HBS1L: variants seen among roughly 807,000 people sequenced by gnomAD.
The protein encoded by HBS1L is HBS1-like protein.
HBS1L carries 55 observed loss-of-function variants against 88.9 expected under a neutral mutation model. That is an observed-to-expected ratio of 0.62 (90% CI 0.50 to 0.77). The LOEUF (loss-of-function observed/expected upper bound fraction) is 0.77, where lower values mean the gene tolerates loss of function less well. HBS1L is among the 30% of genes least tolerant of loss of function. The pLI is 0.00. For missense variants in HBS1L, 741 were observed against 829.3 expected (o/e 0.89, Z 1.31); for synonymous variants, 267 against 288.5 (o/e 0.93, Z 0.76).
chr6:134,997,088 G>GA (rs72155156), intron 6 of HBS1L, 146 bp from the exon 7 acceptor site: 6,620 of 597,844 alleles, frequency 0.011, 6 homozygotes, highest in South Asian at 0.024. Flanking sequence ...ACATCTAATA[G>GA]AAAAAAAAAA....
chr6:135,051,604 C>A (rs1777086275), intron 1 of HBS1L, among the ~76,000 whole-genome samples: 1 of 152,232 alleles, frequency 6.6e-6, no homozygotes, highest in Admixed American at 6.5e-5. Flanking sequence ...GTAAGCCCCT[C>A]TGCTACTGTT....
Position 134,979,275 on chromosome 6 carries a change from A to G in HBS1L, c.1598-7T>C. On this transcript the variant is annotated splice_polypyrimidine_tract_variant and splice_region_variant and intron_variant, in intron 13 of 17. Transcript: ENST00000367837. ...TCATCATGCAGAGTGATTCCTGGAA[A>G]TGAGTAAGAACCAAAGCATACAGTG... 1 of 1,607,094 alleles carries G rather than the reference A, an allele frequency of 6.2e-7. No homozygotes were observed. The highest frequency in any genetic ancestry group is 8.5e-7 in the Non-Finnish European group (1 of 1,174,318).
chr6:135,038,928 A>C (rs1776642816), intron 4 of HBS1L, among the ~76,000 whole-genome samples: 1 of 152,204 alleles, frequency 6.6e-6, no homozygotes, highest in South Asian at 2.1e-4. Flanking sequence ...AGAGTTTAAA[A>C]AAATAACAAT....
rs770629500 is a variant in HBS1L at position 135,040,076 on chromosome 6, G to A, written c.236-309C>T. Among the ~76,000 whole-genome samples the A allele has an allele frequency of 2.7e-4, 41 of 152,254 alleles. No homozygotes were observed. The South Asian group carries it at 3.9e-3, about 15-fold the overall frequency. Reference sequence around the variant, plus strand: ...TCTATTTTCAGTCACCAGTGATGATGGTATCTGCAATGATCATTTTTTGCA... The same window carrying A: ...TCTATTTTCAGTCACCAGTGATGATAGTATCTGCAATGATCATTTTTTGCA... On this transcript the variant is annotated intron_variant, in intron 3 of 17. Transcript: ENST00000367837.
chr6:135,002,913 T>C (rs45544135), intron 4 of HBS1L, 71 bp from the exon 5 acceptor site: 433,682 of 844,782 alleles, frequency 0.51, 112,290 homozygotes, highest in South Asian at 0.59. Flanking sequence ...TTACATAGTA[T>C]TTTAAATTAT....
At chr6:135,040,167 AAGT>A (rs775709675) in intron 3 of HBS1L, among the ~76,000 whole-genome samples, 2 of 152,148 alleles carry the variant, frequency 1.3e-5, no homozygotes, top group African/African-American at 2.4e-5. Context: ...GTTATTCACG[AAGT>A]ATATTTCTTA....
At chr6:134,971,420 G>A (rs560586989) in intron 15 of HBS1L, among the ~76,000 whole-genome samples, 2 of 152,168 alleles carry the variant, frequency 1.3e-5, no homozygotes, top group Non-Finnish European at 2.9e-5. Flanking sequence ...TGTGACTAAG[G>A]AACTGGAACC....
At chr6:135,042,826 C>CAAAAAAAAAAAAAAAAAAA (rs1415600534) in intron 2 of HBS1L, among the ~76,000 whole-genome samples, 2 of 40,034 alleles carry the variant, frequency 5.0e-5, no homozygotes, top group African/African-American at 6.9e-5. Context: ...AAAAAAAAAA[C>CAAAAAAAAAAAAAAAAAAA]AAAAAAAAAA....
chr6:135,045,166 G>A (rs962197268), intron 2 of HBS1L, among the ~76,000 whole-genome samples: 2 of 151,848 alleles, frequency 1.3e-5, no homozygotes, highest in African/African-American at 4.8e-5. Flanking sequence ...GGTGAGGTGG[G>A]GAGCGGTCCA....
intron 4 of HBS1L, among the ~76,000 whole-genome samples, chr6:135,020,381 T>A (rs1439465807): frequency 4.0e-5 from 6 of 151,888 alleles, no homozygotes; most frequent in Admixed American, 3.9e-4. Context: ...ACTTGTAAGG[T>A]AGACATTATT....
intron 15 of HBS1L, among the ~76,000 whole-genome samples, chr6:134,973,437 T>C (rs1436246154): frequency 6.6e-6 from 1 of 152,206 alleles, no homozygotes; most frequent in East Asian, 1.9e-4. Context: ...TATCAGGGGA[T>C]ACCAAGAGGG....
intron 4 of HBS1L, among the ~76,000 whole-genome samples, chr6:135,017,612 T>A (rs1278507718): frequency 6.6e-6 from 1 of 151,902 alleles, no homozygotes; most frequent in Non-Finnish European, 1.5e-5. Context: ...TATTCCACAT[T>A]TAAAAATATA....
At chr6:135,010,253 A>T (rs1775738700) in intron 4 of HBS1L, among the ~76,000 whole-genome samples, 1 of 152,184 alleles carries the variant, frequency 6.6e-6, no homozygotes, top group African/African-American at 2.4e-5. Context: ...TGACCTAGTC[A>T]TCGGATATTT....
At chr6:135,045,062 G>C (rs1228358378) in intron 2 of HBS1L, among the ~76,000 whole-genome samples, 1 of 151,862 alleles carries the variant, frequency 6.6e-6, no homozygotes, top group Admixed American at 6.6e-5. Flanking sequence ...GCAAAGGGTG[G>C]GTGGGGGGAA....
chr6:135,042,701 C>G (rs1399911938), intron 2 of HBS1L, among the ~76,000 whole-genome samples: 1 of 151,598 alleles, frequency 6.6e-6, no homozygotes, highest in African/African-American at 2.4e-5. Context: ...CCCAGCTACT[C>G]AGGAGGCTGA....
intron 17 of HBS1L, among the ~76,000 whole-genome samples, chr6:134,965,811 A>G (rs1027225703): frequency 3.9e-5 from 6 of 152,190 alleles, no homozygotes; most frequent in Non-Finnish European, 8.8e-5. Context: ...TAAATTATGT[A>G]TATAGAGTTT....
intron 4 of HBS1L, among the ~76,000 whole-genome samples, chr6:135,020,916 G>C (rs1020074160): frequency 6.6e-6 from 1 of 151,832 alleles, no homozygotes; most frequent in African/African-American, 2.4e-5. Context: ...TGTTGCACAT[G>C]ATTAAGTTAA....
At chr6:135,025,942 C>T (rs983752244) in intron 4 of HBS1L, among the ~76,000 whole-genome samples, 3 of 152,116 alleles carry the variant, frequency 2.0e-5, no homozygotes, top group Admixed American at 2.0e-4. Context: ...GTGGGAAACT[C>T]TGTAGAAATA....
chr6:134,966,223 T>C lies in HBS1L; in HGVS notation c.2043+106A>G, dbSNP rs539409005. On this transcript the variant is annotated intron_variant, in intron 17 of 17. Coordinates refer to ENST00000367837, the MANE Select transcript of HBS1L (RefSeq NM_006620.4). Reference sequence around the variant, plus strand: ...AATGAGTAAGGCTTCTCCTAATCAATGCTTTTTCTTTCATTCCCTCAATGC... The same window carrying C: ...AATGAGTAAGGCTTCTCCTAATCAACGCTTTTTCTTTCATTCCCTCAATGC... 1.2e-4 allele frequency: 121 copies of C among 994,722 alleles called. No individual in the cohort carries two copies. In the African/African-American group the frequency reaches 1.9e-3, roughly 15 times the overall value. The allele number at this position is 994,722 out of a possible 1,614,324, so 61.6% of individuals were successfully genotyped here.
Sources: allele counts gnomAD v4.1 joint callset (sites outside exome capture counted in the v4.1 genomes callset), GRCh38; gene constraint gnomAD v4.1.1; transcripts MANE v1.5; gene names NCBI Gene and HGNC (gene_info 2026-07-23, HGNC 2026-07-21).